Variants in BNC2 observed in about 807,000 individuals in gnomAD.
BNC2 encodes zinc finger protein basonuclin-2.
Under a neutral mutation model 76.3 loss-of-function variants are expected in BNC2, and 20 were observed. The ratio of observed to expected loss-of-function variants is 0.26; its 90% CI spans 0.18 to 0.38. BNC2 has a LOEUF of 0.38. Among genes scored for constraint, BNC2 ranks in the 10% least tolerant of loss-of-function variants. BNC2 has a pLI of 1.00. For synonymous variants in BNC2, 582 were observed against 514.8 expected (o/e 1.13, Z -1.77); for missense variants, 1,382 against 1,399.8 (o/e 0.99, Z 0.20).
intron 3 of BNC2, among the ~76,000 whole-genome samples, chr9:16,585,094 TTTAA>T (rs531885297): frequency 1.2e-4 from 19 of 152,240 alleles, no homozygotes; most frequent in African/African-American, 4.1e-4. Context: ...TTTGATAATA[TTTAA>T]TTATTTTATA....
intron 3 of BNC2, among the ~76,000 whole-genome samples, chr9:16,632,009 A>G (rs953477046): frequency 5.9e-5 from 9 of 152,196 alleles, no homozygotes; most frequent in African/African-American, 2.2e-4. Context: ...AGGCTGAGGC[A>G]AGAAATGACA....
intron 2 of BNC2, among the ~76,000 whole-genome samples, chr9:16,731,986 G>A (rs1466867535): frequency 6.6e-6 from 1 of 151,980 alleles, no homozygotes; most frequent in Non-Finnish European, 1.5e-5. Flanking sequence ...CAGTTAGTGT[G>A]GGATAACAAG....
chr9:16,842,527 G>C (rs918170552), intron 1 of BNC2, among the ~76,000 whole-genome samples: 1 of 152,146 alleles, frequency 6.6e-6, no homozygotes, highest in African/African-American at 2.4e-5. Flanking sequence ...TTTCTCTGTG[G>C]AGTGACGAAA....
intron 3 of BNC2, among the ~76,000 whole-genome samples, chr9:16,697,650 G>C (rs1823379045): frequency 6.6e-6 from 1 of 151,324 alleles, no homozygotes; most frequent in South Asian, 2.1e-4. Flanking sequence ...TTAAACCTGG[G>C]AGATGGAGGT....
intron 5 of BNC2, among the ~76,000 whole-genome samples, chr9:16,546,280 T>C (rs916200562): frequency 2.0e-5 from 3 of 152,220 alleles, no homozygotes; most frequent in African/African-American, 7.2e-5. Flanking sequence ...TGGGGAGTTA[T>C]CTTAATTGTA....
At chr9:16,503,238 T>C (rs1423812541) in intron 5 of BNC2, among the ~76,000 whole-genome samples, 1 of 152,152 alleles carries the variant, frequency 6.6e-6, no homozygotes, top group African/African-American at 2.4e-5. Context: ...ACAAACATCA[T>C]TTCTAAGGAA....
chr9:16,846,093 T>C (rs1186625194), intron 1 of BNC2, among the ~76,000 whole-genome samples: 1 of 147,936 alleles, frequency 6.8e-6, no homozygotes, highest in Non-Finnish European at 1.5e-5. Flanking sequence ...TGACCCCAGA[T>C]CGCGCCACTG....
chr9:16,606,232 G>A (rs1395832027), intron 3 of BNC2, among the ~76,000 whole-genome samples: 1 of 152,010 alleles, frequency 6.6e-6, no homozygotes, highest in Admixed American at 6.5e-5. Context: ...AAAAACTTGA[G>A]AGAATAGAAA....
chr9:16,727,694 T>C, intron 3 of BNC2, 103 bp downstream of exon 3: 1 of 1,036,388 alleles, frequency 9.6e-7, no homozygotes, highest in Non-Finnish European at 1.4e-6. Context: ...GACCACATTT[T>C]AAAAAGTATT....
At chr9:16,610,675 T>G (rs1470882973) in intron 3 of BNC2, among the ~76,000 whole-genome samples, 1 of 152,162 alleles carries the variant, frequency 6.6e-6, no homozygotes, top group Non-Finnish European at 1.5e-5. Context: ...ACATGGTATT[T>G]CACCTTTCCT....
chr9:16,844,238 G>T (rs1003841288), intron 1 of BNC2, among the ~76,000 whole-genome samples: 16 of 151,856 alleles, frequency 1.1e-4, no homozygotes, highest in African/African-American at 3.9e-4. Context: ...AAAATCTGAT[G>T]GGTGTTTGCA....
At chr9:16,772,743 T>C (rs924604029) in intron 1 of BNC2, among the ~76,000 whole-genome samples, 2 of 152,210 alleles carry the variant, frequency 1.3e-5, no homozygotes, top group African/African-American at 4.8e-5. Flanking sequence ...GTCTGGAGGA[T>C]GTGTTTGCCA....
intron 1 of BNC2, among the ~76,000 whole-genome samples, chr9:16,860,049 G>A (rs1177044479): frequency 6.7e-6 from 1 of 150,352 alleles, no homozygotes; most frequent in African/African-American, 2.5e-5. Context: ...TTGAACCAGG[G>A]AGGTGGAGGC....
chr9:16,799,875 T>A (rs1817740212), intron 1 of BNC2, among the ~76,000 whole-genome samples: 1 of 152,132 alleles, frequency 6.6e-6, no homozygotes, highest in African/African-American at 2.4e-5. Context: ...GCACTGAAAC[T>A]ATTAACCCTA....
intron 3 of BNC2, among the ~76,000 whole-genome samples, chr9:16,706,984 C>T (rs1232536201): frequency 1.3e-5 from 2 of 152,170 alleles, no homozygotes; most frequent in Non-Finnish European, 2.9e-5. Flanking sequence ...GGGCGGATCA[C>T]GAGGTCAGGA....
chr9:16,412,591 CT>C lies in BNC2; in HGVS notation c.*6397del, dbSNP rs1180627931. 6.6e-6 allele frequency: 1 copy of C among 152,598 alleles called. No homozygotes were observed. The highest frequency in any genetic ancestry group is 1.5e-5 in the Non-Finnish European group (1 of 68,058). 9.5% of individuals were successfully genotyped at this position (152,598 alleles called of 1,614,324 possible). On this transcript the variant is annotated 3_prime_UTR_variant, in exon 7 of 7. Transcript: ENST00000380672. ...ACTGACCCTTTATTTAAGAAGTCAT[CT>C]TGTTACTGTCCACTTAATAGCTGGA...
In BNC2 at chr9:16,753,241, T is replaced by C. The variant is rs987972085; in HGVS notation, c.4-14756A>G. On this transcript the variant is annotated intron_variant, in intron 1 of 6. Transcript: ENST00000380672. Reference sequence around the variant, plus strand: ...TTTTAGAGTATATTTTATTAAATCCTGAAATGCATGTCCTGGTAAATTTCT... The same window carrying C: ...TTTTAGAGTATATTTTATTAAATCCCGAAATGCATGTCCTGGTAAATTTCT... Among the ~76,000 whole-genome samples the C allele has an allele frequency of 3.9e-5, 6 of 152,226 alleles. 1 individual carries two copies. The highest frequency in any genetic ancestry group is 1.4e-4 in the African/African-American group (6 of 41,458).
chr9:16,666,094 G>T (rs1231847713), intron 3 of BNC2, among the ~76,000 whole-genome samples: 4 of 152,186 alleles, frequency 2.6e-5, no homozygotes, highest in African/African-American at 9.6e-5. Flanking sequence ...TACTTTCAAT[G>T]AGTTATTTCT....
At chr9:16,801,132 G>C (rs4433240) in intron 1 of BNC2, among the ~76,000 whole-genome samples, 75,339 of 152,050 alleles carry the variant, frequency 0.5, 25,069 homozygotes, top group Non-Finnish European at 0.75. Context: ...ACAATTCTCC[G>C]TATTTCTGAT....
Sources: gnomAD v4.1 joint callset for allele counts (sites outside exome capture counted in the v4.1 genomes callset) on GRCh38, gnomAD v4.1.1 for gene constraint, MANE v1.5 for transcripts, NCBI Gene and HGNC (gene_info 2026-07-23, HGNC 2026-07-21) for gene names.